NRBP2: variants seen among roughly 807,000 people sequenced by gnomAD.
NRBP2 encodes the protein nuclear receptor binding protein 2.
A neutral mutation model predicts 74.4 loss-of-function variants in NRBP2; 47 were observed. The observed-to-expected ratio is 0.63, with a 90% CI of 0.50 to 0.81. The LOEUF (loss-of-function observed/expected upper bound fraction) is 0.81, where lower values mean the gene tolerates loss of function less well. Among genes scored for constraint, NRBP2 ranks in the 30% least tolerant of loss-of-function variants. The pLI is 0.00. For missense variants in NRBP2, 613 were observed against 690.1 expected, an observed-to-expected ratio of 0.89 and a Z score of 1.25; for synonymous variants, 312 against 273.8, an observed-to-expected ratio of 1.14 and a Z score of -1.38.
Position 143,836,965 on chromosome 8 carries a change from G to A in NRBP2, c.1263+74C>T, listed in dbSNP as rs547647746. ...GGCTGTGGGGATGCAGGCCCTAAGA[G>A]AAGGAGGGGCACCTCTTATCTGGCT... On this transcript the variant is annotated intron_variant, in intron 14 of 17. Transcript: ENST00000442628. 2.7e-4 allele frequency: 405 copies of A among 1,518,620 alleles called. 4 individuals are homozygous for A. The South Asian group carries it at 4.5e-3, about 17-fold the overall frequency. The allele number at this position is 1,518,620 out of a possible 1,614,324, so 94.1% of individuals were successfully genotyped here.
chr8:143,840,754 G>A lies in NRBP2; in HGVS notation c.81C>T (p.Asp27=). Residue 27 remains aspartate (D), a synonymous_variant, in exon 1 of 18, where the codon GAC becomes GAT. Coordinates refer to ENST00000442628, the MANE Select transcript of NRBP2 (RefSeq NM_178564.4). This position sits in a 1 kb window ranked among gnomAD's most constrained non-coding sequence, Gnocchi z 5.7. ...EREDESEDES[D]ILEESPCGRW... ...GACCACACGGGCTTTCCTCCAGGAT[G>A]TCGCTCTCGTCCTCGCTCTCGTCCT... 3 of 1,514,606 alleles carry A rather than the reference G, an allele frequency of 2.0e-6. No individual in the cohort carries two copies. Among genetic ancestry groups the A allele is most frequent in the African/African-American group, 1.4e-5 (1 of 70,128 alleles). 93.8% of individuals were successfully genotyped at this position (1,514,606 alleles called of 1,614,324 possible). A position where few individuals can be genotyped will look rare whatever the true frequency, so the allele number is the denominator to read the frequency against.
rs1364265215 is a variant in NRBP2, at chr8:143,834,110, C to A, written c.*1552G>T. ...AACCAGTGAATGTTAGTTTACATGG[C>A]AAAATGTGTCCTGCAGATGTGTTTA... On this transcript the variant is annotated 3_prime_UTR_variant, in exon 18 of 18. Coordinates refer to ENST00000442628, the MANE Select transcript of NRBP2 (RefSeq NM_178564.4). 1 of 152,162 alleles carries A rather than the reference C, an allele frequency of 6.6e-6. No individual in the cohort carries two copies. Among genetic ancestry groups the A allele is most frequent in the Admixed American group, 6.5e-5 (1 of 15,276 alleles). 9.4% of individuals were successfully genotyped at this position (152,162 alleles called of 1,614,324 possible). A position where few individuals can be genotyped will look rare whatever the true frequency, so the allele number is the denominator to read the frequency against.
At position 143,837,617 on chromosome 8, in the gene NRBP2, G is replaced by A; in HGVS notation, c.973+6C>T. On this transcript the variant is annotated splice_donor_region_variant and intron_variant, in intron 11 of 17. Coordinates refer to ENST00000442628, the MANE Select transcript of NRBP2 (RefSeq NM_178564.4). The surrounding 1 kb of genome is among the most constrained non-coding windows in gnomAD (Gnocchi z 4.3). The stretch of plus-strand genomic sequence containing the variant: ...CAGCCACCCCCCGGGCCGGCCTGCT[G>A]CTCACACTGGTGCTGGATGAAGCAG... The A allele has an allele frequency of 6.2e-7, 1 of 1,600,572 alleles. No individual in the cohort carries two copies. The highest frequency in any genetic ancestry group is 8.5e-7 in the Non-Finnish European group (1 of 1,174,050).
In NRBP2 at chr8:143,837,733, G is replaced by A. The variant is rs1554652341; in HGVS notation, c.863C>T (p.Ala288Val). 5 of 1,561,362 alleles carry A rather than the reference G, an allele frequency of 3.2e-6. No individual in the cohort carries two copies. Among genetic ancestry groups the A allele is most frequent in the South Asian group, 1.2e-5 (1 of 84,896 alleles). ...AGAGGGCCGGCGGGCAGGGTCCCGGGCCAGGCAGCAAAGGATGAACTCCTG... is the reference window on the plus strand; with the variant it reads ...AGAGGGCCGGCGGGCAGGGTCCCGGACCAGGCAGCAAAGGATGAACTCCTG... ...NMREFILCCLARDPARRPSAH... is the reference protein window; with the variant it reads ...NMREFILCCLVRDPARRPSAH... The change falls in exon 11 of 18, where the codon GCC becomes GTC. Residue 288 changes from alanine to valine, a missense_variant. By Grantham distance (64) the Ala-to-Val change is moderately conservative. Around this residue, in one of 2 missense-constraint regions of NRBP2, gnomAD observed 332 missense variants for 429.2 expected, o/e 0.77. Coordinates refer to ENST00000442628, the MANE Select transcript of NRBP2 (RefSeq NM_178564.4). This position sits in a 1 kb window ranked among gnomAD's most constrained non-coding sequence, Gnocchi z 4.3.
chr8:143,840,454 G>T lies in NRBP2; in HGVS notation c.130-225C>A. ...GAGCAGGTTTCAGGGGGTCGAGGGG[G>T]ATCCCCAGGAAGCTAGCGGCTGAGT... On this transcript the variant is annotated intron_variant, in intron 1 of 17. Coordinates refer to ENST00000442628, the MANE Select transcript of NRBP2 (RefSeq NM_178564.4). The surrounding 1 kb of genome is among the most constrained non-coding windows in gnomAD (Gnocchi z 5.7). 1.5e-6 allele frequency: 1 copy of T among 689,572 alleles called. No individual in the cohort carries two copies. The highest frequency in any genetic ancestry group is 2.0e-5 in the South Asian group (1 of 50,952). The allele number at this position is 689,572 out of a possible 1,614,324, so 42.7% of individuals were successfully genotyped here.
In NRBP2 at chr8:143,839,580, G is replaced by C. The variant is rs879999059; in HGVS notation, c.445-31C>G. ...GGCGGACGCACGACTCCGTCGGTCG[G>C]GTGGGCGCAGGAGAGGCGGCTGGGC... is the stretch of plus-strand genomic sequence containing the variant. On this transcript the variant is annotated intron_variant, in intron 4 of 17. Transcript: ENST00000442628. This position sits in a 1 kb window ranked among gnomAD's most constrained non-coding sequence, Gnocchi z 5.1. The C allele has an allele frequency of 1.4e-5, 22 of 1,525,292 alleles. No individual in the cohort carries two copies. The highest frequency in any genetic ancestry group is 1.8e-5 in the Non-Finnish European group (21 of 1,142,086). The allele number at this position is 1,525,292 out of a possible 1,614,324, so 94.5% of individuals were successfully genotyped here.
At position 143,835,615 on chromosome 8, in the gene NRBP2, T is replaced by C; in HGVS notation, c.*47A>G. 6.7e-7 allele frequency: 1 copy of C among 1,490,882 alleles called. No individual in the cohort carries two copies. The highest frequency in any genetic ancestry group is 1.8e-4 in the Middle Eastern group (1 of 5,604). The allele number at this position is 1,490,882 out of a possible 1,614,324, so 92.4% of individuals were successfully genotyped here. A position where few individuals can be genotyped will look rare whatever the true frequency, so the allele number is the denominator to read the frequency against. ...GTGCTGGAGTCTCCCCAACATGGCC[T>C]GCCCAGGCAGCACCCCGGCATGGTC... On this transcript the variant is annotated 3_prime_UTR_variant, in exon 18 of 18. Transcript: ENST00000442628. This position sits in a 1 kb window ranked among gnomAD's most constrained non-coding sequence, Gnocchi z 4.9.
At position 143,840,871 on chromosome 8, in the gene NRBP2, C is replaced by T; in HGVS notation, c.-37G>A. The T allele has an allele frequency of 1.6e-6, 2 of 1,290,200 alleles. No homozygotes were observed. The highest frequency in any genetic ancestry group is 2.5e-5 in the South Asian group (1 of 40,052). The allele number at this position is 1,290,200 out of a possible 1,614,324, so 79.9% of individuals were successfully genotyped here. A position where few individuals can be genotyped will look rare whatever the true frequency, so the allele number is the denominator to read the frequency against. On this transcript the variant is annotated 5_prime_UTR_variant, in exon 1 of 18. Coordinates refer to ENST00000442628, the MANE Select transcript of NRBP2 (RefSeq NM_178564.4). This position sits in a 1 kb window ranked among gnomAD's most constrained non-coding sequence, Gnocchi z 5.7. ...CCCAGGCCACCGCCCTCTGCGCGAT[C>T]CGCCGCCGGCGCAGCCTCTCCCGGC...
chr8:143,835,463 T>TC lies in NRBP2; in HGVS notation c.*198dup. ...CTAAGGACCTGGGAGGCCTAACGGC[T>TC]CCCCCACACCCACCCCCCAACCCCT... On this transcript the variant is annotated 3_prime_UTR_variant, in exon 18 of 18. Coordinates refer to ENST00000442628, the MANE Select transcript of NRBP2 (RefSeq NM_178564.4). This position sits in a 1 kb window ranked among gnomAD's most constrained non-coding sequence, Gnocchi z 4.9. The TC allele has an allele frequency of 1.5e-6, 1 of 655,306 alleles. No homozygotes were observed. The highest frequency in any genetic ancestry group is 2.7e-6 in the Non-Finnish European group (1 of 368,266). The allele number at this position is 655,306 out of a possible 1,614,324, so 40.6% of individuals were successfully genotyped here. A position where few individuals can be genotyped will look rare whatever the true frequency, so the allele number is the denominator to read the frequency against.
At position 143,840,284 on chromosome 8, in the gene NRBP2, A is replaced by G. The variant is rs2130562091; in HGVS notation, c.130-55T>C. The G allele has an allele frequency of 1.3e-6, 2 of 1,530,468 alleles. No homozygotes were observed. Among genetic ancestry groups the G allele is most frequent in the Middle Eastern group, 1.7e-4 (1 of 5,764 alleles). The allele number at this position is 1,530,468 out of a possible 1,614,324, so 94.8% of individuals were successfully genotyped here. A position where few individuals can be genotyped will look rare whatever the true frequency, so the allele number is the denominator to read the frequency against. ...CTGGTGTGTGTCAGGGTTGTGGGTG[A>G]GGATTTGGTCCCTGTCCACACCTTT... On this transcript the variant is annotated intron_variant, in intron 1 of 17. Transcript: ENST00000442628. The surrounding 1 kb of genome is among the most constrained non-coding windows in gnomAD (Gnocchi z 5.7).
Position 143,839,897 on chromosome 8 carries a change from C to T in NRBP2, c.354+32G>A. ...CATGCCCGCCCCACCTAGCTGTGGT[C>T]TCTGCCTGCCCGGGGCCTTGCCCGT... On this transcript the variant is annotated intron_variant, in intron 3 of 17. Coordinates refer to ENST00000442628, the MANE Select transcript of NRBP2 (RefSeq NM_178564.4). This position sits in a 1 kb window ranked among gnomAD's most constrained non-coding sequence, Gnocchi z 5.1. The T allele has an allele frequency of 6.5e-7, 1 of 1,535,552 alleles. No homozygotes were observed. Among genetic ancestry groups the T allele is most frequent in the Non-Finnish European group, 8.7e-7 (1 of 1,146,368 alleles).
At chr8:143,838,426 G>A (rs868945756) in intron 10 of NRBP2, among the ~76,000 whole-genome samples, 2 of 152,196 alleles carry the variant, frequency 1.3e-5, no homozygotes, top group African/African-American at 2.4e-5. Flanking sequence ...TTTATAAAAC[G>A]GGCATGGTGA....
Position 143,839,478 on chromosome 8 carries a change from G to A in NRBP2, c.485+31C>T. On this transcript the variant is annotated intron_variant, in intron 5 of 17. Transcript: ENST00000442628. This position sits in a 1 kb window ranked among gnomAD's most constrained non-coding sequence, Gnocchi z 5.1. ...GCTCTGGAGAGATGGGGGCTCGGTG[G>A]CGCCGCGCCCAGGCCAGCCCAGGCC... is the stretch of plus-strand genomic sequence containing the variant. 1 of 1,529,304 alleles carries A rather than the reference G, an allele frequency of 6.5e-7. No homozygotes were observed. The highest frequency in any genetic ancestry group is 8.8e-7 in the Non-Finnish European group (1 of 1,142,194). 94.7% of individuals were successfully genotyped at this position (1,529,304 alleles called of 1,614,324 possible).
At position 143,840,476 on chromosome 8, in the gene NRBP2, G is replaced by A. The variant is rs1818645153; in HGVS notation, c.129+230C>T. On this transcript the variant is annotated intron_variant, in intron 1 of 17. Transcript: ENST00000442628. This position sits in a 1 kb window ranked among gnomAD's most constrained non-coding sequence, Gnocchi z 5.7. ...GGGGATCCCCAGGAAGCTAGCGGCT[G>A]AGTCCAGAGGCATGGGGAGGTGGTC... 3.0e-6 allele frequency: 2 copies of A among 659,260 alleles called. No homozygotes were observed. The highest frequency in any genetic ancestry group is 5.1e-6 in the Non-Finnish European group (2 of 394,610). 40.8% of individuals were successfully genotyped at this position (659,260 alleles called of 1,614,324 possible). A position where few individuals can be genotyped will look rare whatever the true frequency, so the allele number is the denominator to read the frequency against.
rs111660102 is a variant in NRBP2 at position 143,840,351 on chromosome 8, G to A, written c.130-122C>T. 1.5e-6 allele frequency: 2 copies of A among 1,335,796 alleles called. No individual in the cohort carries two copies. The highest frequency in any genetic ancestry group is 1.5e-5 in the African/African-American group (1 of 68,636). The allele number at this position is 1,335,796 out of a possible 1,614,324, so 82.7% of individuals were successfully genotyped here. A position where few individuals can be genotyped will look rare whatever the true frequency, so the allele number is the denominator to read the frequency against. On this transcript the variant is annotated intron_variant, in intron 1 of 17. Transcript: ENST00000442628. This position sits in a 1 kb window ranked among gnomAD's most constrained non-coding sequence, Gnocchi z 5.7. Reference sequence around the variant, plus strand: ...TGGGCTGCAGGCCCTGAGCCACTCTGCGGGAAGGTGGGGCTTGGAGGGTAG... The same window carrying A: ...TGGGCTGCAGGCCCTGAGCCACTCTACGGGAAGGTGGGGCTTGGAGGGTAG...
downstream of NRBP2, among the ~76,000 whole-genome samples, chr8:143,832,282 C>T (rs987178570): frequency 4.0e-5 from 6 of 151,810 alleles, no homozygotes; most frequent in East Asian, 1.9e-4. Flanking sequence ...ACAAAAACTG[C>T]GGAAGGCCGC....
rs1554653201 is a variant in NRBP2, at chr8:143,839,823, G to A, written c.357C>T (p.Val119=). ...WLDTSEACAR[V]IFITEYVSSG... is the part of the protein sequence containing the mutation. ...ATGACACGTACTCTGTGATGAAGATGACCTGCACGGTGCGAGCTCAGGATT... is the reference window on the plus strand; with the variant it reads ...ATGACACGTACTCTGTGATGAAGATAACCTGCACGGTGCGAGCTCAGGATT... The change falls in exon 4 of 18, where the codon GTC becomes GTT. Residue 119 remains valine (V), a splice_region_variant and synonymous_variant. Coordinates refer to ENST00000442628, the MANE Select transcript of NRBP2 (RefSeq NM_178564.4). The surrounding 1 kb of genome is among the most constrained non-coding windows in gnomAD (Gnocchi z 5.1). 2.6e-6 allele frequency: 4 copies of A among 1,536,016 alleles called. No individual in the cohort carries two copies. Among genetic ancestry groups the A allele is most frequent in the Non-Finnish European group, 2.6e-6 (3 of 1,146,836 alleles).
Position 143,837,544 on chromosome 8 carries a change from G to A in NRBP2, c.974-35C>T, listed in dbSNP as rs545204437. On this transcript the variant is annotated intron_variant, in intron 11 of 17. Transcript: ENST00000442628. The surrounding 1 kb of genome is among the most constrained non-coding windows in gnomAD (Gnocchi z 4.3). ...CAAGAGCATCAAGGCGGTGTGCTCA[G>A]GCCGTGGGTCCTGCAGGGCCCCTTC... 7.5e-6 allele frequency: 12 copies of A among 1,598,856 alleles called. No individual in the cohort carries two copies. The highest frequency in any genetic ancestry group is 2.7e-5 in the African/African-American group (2 of 74,722).
In NRBP2 at chr8:143,840,848, C is replaced by G. The variant is rs1300719851; in HGVS notation, c.-14G>C. On this transcript the variant is annotated 5_prime_UTR_variant, in exon 1 of 18. Transcript: ENST00000442628. This position sits in a 1 kb window ranked among gnomAD's most constrained non-coding sequence, Gnocchi z 5.7. ...CGGGGCCGCCATGGTTCGGCCAGCC[C>G]AGGCCACCGCCCTCTGCGCGATCCG... The G allele has an allele frequency of 2.8e-6, 4 of 1,427,546 alleles. No individual in the cohort carries two copies. Among genetic ancestry groups the G allele is most frequent in the Non-Finnish European group, 3.7e-6 (4 of 1,094,756 alleles). The allele number at this position is 1,427,546 out of a possible 1,614,324, so 88.4% of individuals were successfully genotyped here.
Sources: gnomAD v4.1 joint callset for allele counts (sites outside exome capture counted in the v4.1 genomes callset) on GRCh38, gnomAD v4.1.1 for gene constraint, gnomAD v4.1.1 regional missense constraint, Gnocchi (gnomAD v3.1) non-coding constraint, MANE v1.5 for transcripts, NCBI Gene and HGNC (gene_info 2026-07-23, HGNC 2026-07-21) for gene names.